CAMK2D: variants seen among roughly 807,000 people sequenced by gnomAD.
CAMK2D encodes calcium/calmodulin-dependent protein kinase type II subunit delta.
A neutral mutation model predicts 84.0 loss-of-function variants in CAMK2D; 37 were observed. That is an observed-to-expected ratio of 0.44 (90% confidence interval 0.34 to 0.58). The LOEUF (loss-of-function observed/expected upper bound fraction) is 0.58, where lower values mean the gene tolerates loss of function less well. Ranked by LOEUF, CAMK2D falls within the 20% of genes least tolerant of loss-of-function variation. The pLI is 0.02. For synonymous variants in CAMK2D, 202 were observed against 212.5 expected (o/e 0.95, Z 0.43); for missense variants, 448 against 652.5 (o/e 0.69, Z 3.41).
intron 16 of CAMK2D, among the ~76,000 whole-genome samples, chr4:113,478,875 G>C (rs2097663983): frequency 6.6e-6 from 1 of 152,000 alleles, no homozygotes; most frequent in Admixed American, 6.6e-5. Flanking sequence ...TTTGGAGCAG[G>C]ATTTTTTTTT....
At chr4:113,553,970 T>C (rs1320888135) in intron 4 of CAMK2D, among the ~76,000 whole-genome samples, 2 of 152,178 alleles carry the variant, frequency 1.3e-5, no homozygotes, top group Non-Finnish European at 2.9e-5. Flanking sequence ...TACTCGTAGT[T>C]ATCCTTGTTT....
rs1373455161 is a variant in CAMK2D at position 113,663,992 on chromosome 4, CTAATA to C, written c.161-2225_161-2221del. 8.5e-5 allele frequency among the ~76,000 whole-genome samples: 13 copies of C among 152,206 alleles called. No homozygotes were observed. The South Asian group carries it at 1.0e-3, about 12-fold the overall frequency. On this transcript the variant is annotated intron_variant, in intron 2 of 20. Transcript: ENST00000511664. ...TGAGGTCATTATTGTGGGCTCTAAT[CTAATA>C]TGACTGGTGTCCATATATGAAAAGG...
rs569810580 is a variant in CAMK2D, at chr4:113,723,100, CAT to C, written c.160+36218_160+36219del. On this transcript the variant is annotated intron_variant, in intron 2 of 20. Coordinates refer to ENST00000511664, the MANE Select transcript of CAMK2D (RefSeq NM_001321571.2). Reference sequence around the variant, plus strand: ...TGTTTTGAGGATTAAAGAGAAAACACATATAAAATTTTTTGAGTTTCAAAAAA... The same window carrying C: ...TGTTTTGAGGATTAAAGAGAAAACACATAAAATTTTTTGAGTTTCAAAAAA... 2.0e-5 allele frequency among the ~76,000 whole-genome samples: 3 copies of C among 151,760 alleles called. No homozygotes were observed. The South Asian group carries it at 6.3e-4, about 32-fold the overall frequency.
At chr4:113,680,089 T>A (rs2099337184) in intron 2 of CAMK2D, among the ~76,000 whole-genome samples, 1 of 152,160 alleles carries the variant, frequency 6.6e-6, no homozygotes, top group Non-Finnish European at 1.5e-5. Flanking sequence ...TTTTTTAAAA[T>A]CAAGACAGGA....
intron 4 of CAMK2D, among the ~76,000 whole-genome samples, chr4:113,601,756 C>T (rs545315127): frequency 2.4e-5 from 3 of 122,578 alleles, no homozygotes; most frequent in African/African-American, 6.3e-5. Context: ...AGTGCAGTGG[C>T]GTGATCACAG....
chr4:113,683,474 ACC>A (rs2099351468), intron 2 of CAMK2D, among the ~76,000 whole-genome samples: 1 of 152,210 alleles, frequency 6.6e-6, no homozygotes, highest in Non-Finnish European at 1.5e-5. Context: ...AATAAACACC[ACC>A]ATACAATGAA....
chr4:113,485,358 A>C (rs925780879), intron 16 of CAMK2D, among the ~76,000 whole-genome samples: 1 of 152,218 alleles, frequency 6.6e-6, no homozygotes, highest in African/African-American at 2.4e-5. Flanking sequence ...CTTGGCACTC[A>C]ATAGTCCCTC....
intron 2 of CAMK2D, among the ~76,000 whole-genome samples, chr4:113,723,005 AATTT>A (rs2099535524): frequency 6.6e-6 from 1 of 152,148 alleles, no homozygotes; most frequent in Non-Finnish European, 1.5e-5. Flanking sequence ...ACGACTTTGT[AATTT>A]ATTATCTCTG....
chr4:113,558,431 C>T (rs1212082301), intron 4 of CAMK2D, among the ~76,000 whole-genome samples: 1 of 151,940 alleles, frequency 6.6e-6, no homozygotes, highest in Non-Finnish European at 1.5e-5. Flanking sequence ...TGCAGTTGGC[C>T]CTCTGTATAT....
At chr4:113,470,841 G>A (rs1208353456) in intron 16 of CAMK2D, among the ~76,000 whole-genome samples, 1 of 152,168 alleles carries the variant, frequency 6.6e-6, no homozygotes, top group African/African-American at 2.4e-5. Flanking sequence ...ATCTCTAGCA[G>A]ATAACACAGT....
At chr4:113,760,863 C>T in intron 1 of CAMK2D, 141 bp downstream of exon 1, 2 of 1,011,812 alleles carry the variant, frequency 2.0e-6, no homozygotes, top group Non-Finnish European at 3.0e-6. Flanking sequence ...AGCACCTTCC[C>T]CAGAGCTGAC....
At chr4:113,575,971 T>A (rs1000991743) in intron 4 of CAMK2D, among the ~76,000 whole-genome samples, 1 of 152,172 alleles carries the variant, frequency 6.6e-6, no homozygotes, top group East Asian at 1.9e-4. Flanking sequence ...AAGCCTCACA[T>A]ATTTTTTATA....
At chr4:113,524,019 G>A (rs1476715015) in intron 8 of CAMK2D, among the ~76,000 whole-genome samples, 2 of 151,910 alleles carry the variant, frequency 1.3e-5, no homozygotes, top group Non-Finnish European at 2.9e-5. Flanking sequence ...ACGGGTGTGT[G>A]CTACCATGCC....
intron 2 of CAMK2D, among the ~76,000 whole-genome samples, chr4:113,667,601 T>TAA (rs2099262609): frequency 6.6e-6 from 1 of 152,178 alleles, no homozygotes; most frequent in Non-Finnish European, 1.5e-5. Flanking sequence ...TCTATCCATT[T>TAA]AAGTAGGTCA....
chr4:113,567,130 A>G (rs1334437351), intron 4 of CAMK2D, among the ~76,000 whole-genome samples: 1 of 151,946 alleles, frequency 6.6e-6, no homozygotes, highest in Non-Finnish European at 1.5e-5. Flanking sequence ...TTCAGACCCC[A>G]AACATAACAA....
intron 2 of CAMK2D, among the ~76,000 whole-genome samples, chr4:113,702,865 T>TA (rs2099426094): frequency 6.6e-6 from 1 of 152,122 alleles, no homozygotes; most frequent in Admixed American, 6.6e-5. Context: ...TGCAACTGAA[T>TA]ACCATCCTGG....
intron 2 of CAMK2D, among the ~76,000 whole-genome samples, chr4:113,707,035 C>T (rs922605362): frequency 6.6e-6 from 1 of 151,866 alleles, no homozygotes; most frequent in African/African-American, 2.4e-5. Context: ...AGGCTGGCCA[C>T]GTGCGAGAAT....
rs1564321287 is a variant in CAMK2D at position 113,451,895 on chromosome 4, G to C, written c.*2650C>G. 6.6e-6 allele frequency: 1 copy of C among 152,152 alleles called. No individual in the cohort carries two copies. The highest frequency in any genetic ancestry group is 1.5e-5 in the Non-Finnish European group (1 of 68,062). The allele number at this position is 152,152 out of a possible 1,614,324, so 9.4% of individuals were successfully genotyped here. A position where few individuals can be genotyped will look rare whatever the true frequency, so the allele number is the denominator to read the frequency against. On this transcript the variant is annotated 3_prime_UTR_variant, in exon 21 of 21. Transcript: ENST00000511664. Reference sequence around the variant, plus strand: ...GCATGATGCTGTACACTGAATCTTAGGAAAAAGTAAGAAGTCGGGAAAAGA... The same window carrying C: ...GCATGATGCTGTACACTGAATCTTACGAAAAAGTAAGAAGTCGGGAAAAGA...
intron 2 of CAMK2D, among the ~76,000 whole-genome samples, chr4:113,673,899 T>C (rs767583839): frequency 2.0e-5 from 3 of 152,246 alleles, no homozygotes; most frequent in Non-Finnish European, 4.4e-5. Context: ...CCAAGACTTC[T>C]TACATGGCTG....
Sources: gnomAD v4.1 joint callset for allele counts (sites outside exome capture counted in the v4.1 genomes callset) on GRCh38, gnomAD v4.1.1 for gene constraint, MANE v1.5 for transcripts, NCBI Gene and HGNC (gene_info 2026-07-23, HGNC 2026-07-21) for gene names.